Variants in SLC15A1 observed in about 807,000 individuals in gnomAD.
SLC15A1 encodes the protein solute carrier family 15 member 1, also known as Caco-2 oligopeptide transporter.
SLC15A1 carries 83 observed loss-of-function variants against 92.9 expected under a neutral mutation model. The ratio of observed to expected loss-of-function variants is 0.89; its 90% CI spans 0.75 to 1.07. The LOEUF (loss-of-function observed/expected upper bound fraction) is 1.07. Among genes scored for constraint, SLC15A1 ranks in the 50% least tolerant of loss-of-function variants. The probability of loss-of-function intolerance (pLI) is 0.00; values close to 1 mark genes in which losing one functional copy is unlikely to be tolerated. For synonymous variants in SLC15A1, 322 were observed against 318.2 expected (o/e 1.01, Z -0.13); for missense variants, 857 against 880.1 (o/e 0.97, Z 0.33).
intron 16 of SLC15A1, 56 bp downstream of exon 16, chr13:98,706,078 C>G: frequency 1.9e-6 from 3 of 1,566,736 alleles, no homozygotes; most frequent in Non-Finnish European, 2.6e-6. Flanking sequence ...TTCTCTAAAT[C>G]CTATTATAAC....
At chr13:98,686,094 G>T in intron 22 of SLC15A1, 96 bp downstream of exon 22, 1 of 877,896 alleles carries the variant, frequency 1.1e-6, no homozygotes. Context: ...TAGCCTAGAT[G>T]ACCACACAGA....
chr13:98,684,924 A>C lies in SLC15A1; in HGVS notation c.1936-9T>G. The C allele has an allele frequency of 6.2e-7, 1 of 1,607,404 alleles. No homozygotes were observed. Among genetic ancestry groups the C allele is most frequent in the Non-Finnish European group, 8.5e-7 (1 of 1,176,076 alleles). Reference sequence around the variant, plus strand: ...AGAATGTACTCGGCCCACTTTGAAGAAATCAGAGTTGGAGCAGGAAAAAGA... The same window carrying C: ...AGAATGTACTCGGCCCACTTTGAAGCAATCAGAGTTGGAGCAGGAAAAAGA... On this transcript the variant is annotated splice_polypyrimidine_tract_variant and intron_variant, in intron 22 of 22. Coordinates refer to ENST00000376503, the MANE Select transcript of SLC15A1 (RefSeq NM_005073.4).
chr13:98,690,698 C>T (rs1429344946), intron 18 of SLC15A1, among the ~76,000 whole-genome samples: 1 of 152,126 alleles, frequency 6.6e-6, no homozygotes, highest in Non-Finnish European at 1.5e-5. Context: ...AACCTCACAG[C>T]GGGCACTTAC....
intron 18 of SLC15A1, among the ~76,000 whole-genome samples, chr13:98,689,198 C>T (rs896225033): frequency 1.3e-5 from 2 of 152,226 alleles, no homozygotes; most frequent in African/African-American, 4.8e-5. Context: ...CCTCGGCCTC[C>T]CAAAGTGCTG....
At position 98,740,037 on chromosome 13, in the gene SLC15A1, C is replaced by T. The variant is rs549371874; in HGVS notation, c.4+12558G>A. ...CCCAAAGTAGAAGTGCCGATGATGT[C>T]ACGCTGGAAGTCAGACCATGGGGAT... is the stretch of plus-strand genomic sequence containing the variant. On this transcript the variant is annotated intron_variant, in intron 1 of 22. Transcript: ENST00000376503. Among the ~76,000 whole-genome samples, 65 of 152,304 alleles carry T rather than the reference C, an allele frequency of 4.3e-4. No homozygotes were observed. In the South Asian group the frequency reaches 5.0e-3, roughly 12 times the overall value.
At position 98,743,732 on chromosome 13, in the gene SLC15A1, T is replaced by C. The variant is rs575864377; in HGVS notation, c.4+8863A>G. 5.9e-5 allele frequency among the ~76,000 whole-genome samples: 9 copies of C among 152,334 alleles called. No homozygotes were observed. In the South Asian group the frequency reaches 1.7e-3, roughly 28 times the overall value. On this transcript the variant is annotated intron_variant, in intron 1 of 22. Coordinates refer to ENST00000376503, the MANE Select transcript of SLC15A1 (RefSeq NM_005073.4). ...CCAAGTTAGCTTCCTGATCTACACC[T>C]GGATATTTTTAGTCTAGAAGAACAC...
In SLC15A1 at chr13:98,721,510, T is replaced by C. The variant is rs1258480000; in HGVS notation, c.541A>G (p.Thr181Ala). 6.2e-7 allele frequency: 1 copy of C among 1,613,190 alleles called. No homozygotes were observed. The highest frequency in any genetic ancestry group is 8.5e-7 in the Non-Finnish European group (1 of 1,179,348). ...TATCTCTTACCTCTGAGCATGGGTG[T>C]GATGATTGTGGAAAGCAAACTTCCA... ...NAGSLLSTIITPMLRVQQCGI... is the reference protein window; with the variant it reads ...NAGSLLSTIIAPMLRVQQCGI... The change falls in exon 7 of 23, where the codon ACA (threonine) becomes GCA (alanine). Residue 181 changes from threonine (T) to alanine (A), a missense_variant. Coordinates refer to ENST00000376503, the MANE Select transcript of SLC15A1 (RefSeq NM_005073.4).
At chr13:98,712,831 C>G (rs1255665828) in intron 9 of SLC15A1, among the ~76,000 whole-genome samples, 1 of 152,142 alleles carries the variant, frequency 6.6e-6, no homozygotes, top group African/African-American at 2.4e-5. Flanking sequence ...GAGAAGCACG[C>G]CCAATAGAAA....
chr13:98,684,545 C>CAAAAAAAAAAA lies in SLC15A1; in HGVS notation c.*168_*178dup, dbSNP rs4646233. 6.8e-4 allele frequency: 132 copies of CAAAAAAAAAAA among 193,034 alleles called. No individual in the cohort carries two copies. The highest frequency in any genetic ancestry group is 7.8e-4 in the Non-Finnish European group (88 of 112,344). 12.0% of individuals were successfully genotyped at this position (193,034 alleles called of 1,614,324 possible). On this transcript the variant is annotated 3_prime_UTR_variant, in exon 23 of 23. Transcript: ENST00000376503. ...GGACAACAAGAGCAAAACTCTGTCT[C>CAAAAAAAAAAA]AAAAAAAAAAAAAAAAAAAAAAAGA...
intron 7 of SLC15A1, among the ~76,000 whole-genome samples, chr13:98,719,978 A>G (rs904251797): frequency 4.6e-5 from 7 of 151,848 alleles, no homozygotes; most frequent in African/African-American, 1.7e-4. Context: ...TAAATAAATA[A>G]AAATTATTTT....
At chr13:98,688,758 C>T (rs574245748) in intron 18 of SLC15A1, among the ~76,000 whole-genome samples, 181 bp from the exon 19 acceptor site, 21 of 152,286 alleles carry the variant, frequency 1.4e-4, no homozygotes, top group African/African-American at 5.1e-4. Context: ...TGCTCACCCA[C>T]TCATGAGAAC....
At chr13:98,722,266 G>A (rs1037355390) in intron 5 of SLC15A1, among the ~76,000 whole-genome samples, 4 of 152,092 alleles carry the variant, frequency 2.6e-5, no homozygotes, top group African/African-American at 9.7e-5. Context: ...AGTCATAACC[G>A]ACTCATAATA....
chr13:98,728,841 C>A (rs1448963898), intron 1 of SLC15A1, among the ~76,000 whole-genome samples: 1 of 151,590 alleles, frequency 6.6e-6, no homozygotes, highest in East Asian at 1.9e-4. Context: ...ATTAGCTGGG[C>A]ATGGTGGCAC....
intron 1 of SLC15A1, among the ~76,000 whole-genome samples, chr13:98,744,066 C>A (rs1225924533): frequency 6.6e-6 from 1 of 151,702 alleles, no homozygotes; most frequent in Admixed American, 6.6e-5. Flanking sequence ...GTGGCAAGAC[C>A]CCACCTCTAC....
rs1320315602 is a variant in SLC15A1 at position 98,721,116 on chromosome 13, G to T, written c.556+379C>A. ...CCCAGTAAACTCTTCCTAAGTCACA[G>T]AAATATCACTGGGGAGCAAAGCTTG... On this transcript the variant is annotated intron_variant, in intron 7 of 22. Coordinates refer to ENST00000376503, the MANE Select transcript of SLC15A1 (RefSeq NM_005073.4). 1.2e-5 allele frequency: 6 copies of T among 490,016 alleles called. No homozygotes were observed. In the East Asian group the frequency reaches 3.8e-4, roughly 31 times the overall value. The allele number at this position is 490,016 out of a possible 1,614,324, so 30.4% of individuals were successfully genotyped here.
chr13:98,747,557 A>C (rs2088503560), intron 1 of SLC15A1, among the ~76,000 whole-genome samples: 1 of 152,116 alleles, frequency 6.6e-6, no homozygotes, highest in Admixed American at 6.5e-5. Context: ...TGGTTCAGTA[A>C]CTCAAAGGGC....
Position 98,709,651 on chromosome 13 carries a change from C to T in SLC15A1, c.988G>A (p.Ala330Thr), listed in dbSNP as rs764483622. 12 of 1,614,022 alleles carry T rather than the reference C, an allele frequency of 7.4e-6. No homozygotes were observed. In the Admixed American group the frequency reaches 8.3e-5, roughly 11 times the overall value. The change falls in exon 14 of 23, where the codon GCC becomes ACC. Residue 330 changes from alanine to threonine, a missense_variant. Coordinates refer to ENST00000376503, the MANE Select transcript of SLC15A1 (RefSeq NM_005073.4). ...IQPDQMQTVN[A>T]ILIVIMVPIF... ...GGGACCATGATCACGATCAGGATGGCGTTCACGGTCTGCAGAGGAAGTGGA... is the reference window on the plus strand; with the variant it reads ...GGGACCATGATCACGATCAGGATGGTGTTCACGGTCTGCAGAGGAAGTGGA...
At chr13:98,719,147 T>C in intron 8 of SLC15A1, 90 bp downstream of exon 8, 1 of 851,976 alleles carries the variant, frequency 1.2e-6, no homozygotes, top group Non-Finnish European at 1.9e-6. Context: ...TTGCCACTTG[T>C]TACATGCACT....
At chr13:98,707,977 T>C (rs1405158434) in intron 15 of SLC15A1, among the ~76,000 whole-genome samples, 4 of 151,276 alleles carry the variant, frequency 2.6e-5, no homozygotes, top group Non-Finnish European at 5.9e-5. Flanking sequence ...TAGTTTTTTT[T>C]AAATTTAAAG....
Sources: gnomAD v4.1 joint callset for allele counts (sites outside exome capture counted in the v4.1 genomes callset) on GRCh38, gnomAD v4.1.1 for gene constraint, MANE v1.5 for transcripts, NCBI Gene and HGNC (gene_info 2026-07-23, HGNC 2026-07-21) for gene names.